GLTP: variants seen among roughly 807,000 people sequenced by gnomAD.
GLTP encodes glycolipid transfer protein.
GLTP carries 22 observed loss-of-function variants against 24.0 expected under a neutral mutation model. That is an observed-to-expected ratio of 0.92 (90% CI 0.65 to 1.31). The LOEUF (loss-of-function observed/expected upper bound fraction) is 1.31. GLTP is among the 50% of genes most tolerant of loss of function. The pLI is 0.00. For missense variants in GLTP, 224 were observed against 276.6 expected, an observed-to-expected ratio of 0.81 and a Z score of 1.35; for synonymous variants, 92 against 115.9, an observed-to-expected ratio of 0.79 and a Z score of 1.33.
intron 1 of GLTP, among the ~76,000 whole-genome samples, chr12:109,867,259 G>A (rs897890133): frequency 1.3e-5 from 2 of 151,048 alleles, no homozygotes; most frequent in East Asian, 3.9e-4. Flanking sequence ...AGCAATTCTC[G>A]TGCCTCAGCC....
At chr12:109,870,393 G>C (rs573275343) in intron 1 of GLTP, among the ~76,000 whole-genome samples, 15 of 152,100 alleles carry the variant, frequency 9.9e-5, no homozygotes, top group Admixed American at 5.9e-4. Flanking sequence ...TTGAACCTAG[G>C]GGGAGGGTGG....
chr12:109,873,936 C>T (rs1868806833), intron 1 of GLTP, among the ~76,000 whole-genome samples: 1 of 152,206 alleles, frequency 6.6e-6, no homozygotes, highest in Admixed American at 6.5e-5. Flanking sequence ...TATGGACCAG[C>T]TTGGCGGGCT....
chr12:109,851,729 A>C lies in GLTP; in HGVS notation c.*826T>G, dbSNP rs1446304777. 6.7e-6 allele frequency: 1 copy of C among 149,736 alleles called. No individual in the cohort carries two copies. Among genetic ancestry groups the C allele is most frequent in the East Asian group, 2.0e-4 (1 of 5,060 alleles). 9.3% of individuals were successfully genotyped at this position (149,736 alleles called of 1,614,324 possible). The stretch of plus-strand genomic sequence containing the variant: ...GATTCTCCTGCCTCAGCCTCCCAAG[A>C]AGATGGGATTACAGGCGTGCGCTAC... On this transcript the variant is annotated 3_prime_UTR_variant, in exon 5 of 5. Coordinates refer to ENST00000318348, the MANE Select transcript of GLTP (RefSeq NM_016433.4).
intron 4 of GLTP, among the ~76,000 whole-genome samples, chr12:109,853,720 G>T: frequency 6.7e-6 from 1 of 150,314 alleles, no homozygotes; most frequent in Non-Finnish European, 1.5e-5. Context: ...CCATGAGTTT[G>T]ATAGGATGAG....
intron 1 of GLTP, among the ~76,000 whole-genome samples, chr12:109,871,530 T>C (rs1868722035): frequency 6.6e-6 from 1 of 152,186 alleles, no homozygotes; most frequent in Non-Finnish European, 1.5e-5. Flanking sequence ...TGATGTGGTG[T>C]TGGTCTCCCC....
At chr12:109,864,551 A>G (rs1868464791) in intron 1 of GLTP, among the ~76,000 whole-genome samples, 1 of 152,198 alleles carries the variant, frequency 6.6e-6, no homozygotes, top group Non-Finnish European at 1.5e-5. Flanking sequence ...CACCCACCCA[A>G]GGCTCTGGGC....
At position 109,863,526 on chromosome 12, in the gene GLTP, C is replaced by T. The variant is rs578041586; in HGVS notation, c.104-4785G>A. ...GAGTGAATGAATGGACTGTGGGAAA[C>T]GTGGAATCTGTCAGCGTATTTCCCT... On this transcript the variant is annotated intron_variant, in intron 1 of 4. Coordinates refer to ENST00000318348, the MANE Select transcript of GLTP (RefSeq NM_016433.4). Among the ~76,000 whole-genome samples, 7 of 152,294 alleles carry T rather than the reference C, an allele frequency of 4.6e-5. No homozygotes were observed. In the East Asian group the frequency reaches 7.7e-4, roughly 17 times the overall value.
Position 109,852,726 on chromosome 12 carries a change from G to A in GLTP, c.459C>T (p.Tyr153=), listed in dbSNP as rs755427498. ...IVQKIFQAAL[Y]AAPYKSDFLK... ...GGAAGTCAGACTTATAGGGTGCTGCGTACAGTGCTGCCTTGAGACAGGCAA... is the reference window on the plus strand; with the variant it reads ...GGAAGTCAGACTTATAGGGTGCTGCATACAGTGCTGCCTTGAGACAGGCAA... Residue 153 remains tyrosine, a synonymous_variant, in exon 5 of 5, where the codon TAC becomes TAT. Coordinates refer to ENST00000318348, the MANE Select transcript of GLTP (RefSeq NM_016433.4). 12 of 1,610,598 alleles carry A rather than the reference G, an allele frequency of 7.5e-6. No individual in the cohort carries two copies. The highest frequency in any genetic ancestry group is 4.0e-5 in the African/African-American group (3 of 74,828).
chr12:109,865,003 G>A (rs1483968812), intron 1 of GLTP, among the ~76,000 whole-genome samples: 3 of 151,996 alleles, frequency 2.0e-5, no homozygotes, highest in Non-Finnish European at 4.4e-5. Context: ...GTGTGCCACC[G>A]CACCCAGCCT....
rs1482232080 is a variant in GLTP, at chr12:109,850,966, T to C, written c.*1589A>G. ...GATGTGATTCCAAAATAGAGATTTA[T>C]TTATTAAGGATTATTTAGTTTCTGC... On this transcript the variant is annotated 3_prime_UTR_variant, in exon 5 of 5. Transcript: ENST00000318348. The C allele has an allele frequency of 6.6e-6, 1 of 152,628 alleles. No homozygotes were observed. The highest frequency in any genetic ancestry group is 2.4e-5 in the African/African-American group (1 of 41,454). 9.5% of individuals were successfully genotyped at this position (152,628 alleles called of 1,614,324 possible). A position where few individuals can be genotyped will look rare whatever the true frequency, so the allele number is the denominator to read the frequency against.
intron 1 of GLTP, among the ~76,000 whole-genome samples, chr12:109,864,175 A>C (rs1342123784): frequency 3.3e-5 from 5 of 152,190 alleles, no homozygotes; most frequent in Admixed American, 3.3e-4. Context: ...GGAGCCTAGC[A>C]GAAGAGAGGG....
At chr12:109,877,598 G>A (rs1868927958) in intron 1 of GLTP, among the ~76,000 whole-genome samples, 1 of 152,252 alleles carries the variant, frequency 6.6e-6, no homozygotes, top group South Asian at 2.1e-4. Context: ...CAAAGAATGA[G>A]CCAGCCCCAA....
At chr12:109,866,559 G>T (rs1868534783) in intron 1 of GLTP, 1 of 152,146 alleles carries the variant, frequency 6.6e-6, no homozygotes, top group Non-Finnish European at 1.5e-5. Flanking sequence ...ATCCTGGATG[G>T]AACTCATCAA....
intron 1 of GLTP, among the ~76,000 whole-genome samples, chr12:109,861,171 A>C: frequency 6.6e-6 from 1 of 152,192 alleles, no homozygotes; most frequent in Non-Finnish European, 1.5e-5. Flanking sequence ...TCCTTAAGCC[A>C]AATTCCACCC....
chr12:109,866,605 GC>G, intron 1 of GLTP: 1 of 152,180 alleles, frequency 6.6e-6, no homozygotes, highest in Non-Finnish European at 1.5e-5. Flanking sequence ...CATAGTGGAA[GC>G]CATTCGTAGC....
At chr12:109,862,818 G>A (rs1416636840) in intron 1 of GLTP, among the ~76,000 whole-genome samples, 1 of 152,086 alleles carries the variant, frequency 6.6e-6, no homozygotes, top group Admixed American at 6.6e-5. Flanking sequence ...TTGGAAGGCC[G>A]AGGCGGGTGG....
chr12:109,873,503 G>A (rs572641775), intron 1 of GLTP, among the ~76,000 whole-genome samples: 109 of 152,134 alleles, frequency 7.2e-4, no homozygotes, highest in Non-Finnish European at 3.4e-4. Flanking sequence ...GCATGGTGGT[G>A]CACATCTGTA....
At chr12:109,876,156 G>A (rs576998488) in intron 1 of GLTP, among the ~76,000 whole-genome samples, 11 of 152,056 alleles carry the variant, frequency 7.2e-5, no homozygotes, top group Admixed American at 3.3e-4. Flanking sequence ...CAGCCTGGCC[G>A]AAATGGTAAA....
intron 1 of GLTP, among the ~76,000 whole-genome samples, chr12:109,866,875 T>C (rs1321591909): frequency 6.7e-5 from 10 of 148,696 alleles, no homozygotes; most frequent in Non-Finnish European, 1.5e-4. Flanking sequence ...TCCTCCCACC[T>C]CAGCCTCCAG....
Sources: gnomAD v4.1 joint callset for allele counts (sites outside exome capture counted in the v4.1 genomes callset) on GRCh38, gnomAD v4.1.1 for gene constraint, MANE v1.5 for transcripts, NCBI Gene and HGNC (gene_info 2026-07-23, HGNC 2026-07-21) for gene names.